MLXIP: variants seen among roughly 807,000 people sequenced by gnomAD.
The protein encoded by MLXIP is MLX interacting protein.
Under a neutral mutation model 87.2 loss-of-function variants are expected in MLXIP, and 30 were observed. That is an observed-to-expected ratio of 0.34 (90% CI 0.26 to 0.47). The LOEUF (loss-of-function observed/expected upper bound fraction) is 0.47. Among genes scored for constraint, MLXIP ranks in the 20% least tolerant of loss-of-function variants. MLXIP has a pLI of 1.00. For synonymous variants in MLXIP, 530 were observed against 514.0 expected, an observed-to-expected ratio of 1.03 and a Z score of -0.42; for missense variants, 1,002 against 1,240.1, an observed-to-expected ratio of 0.81 and a Z score of 2.88.
chr12:122,114,467 C>T (rs1952656074), intron 1 of MLXIP, among the ~76,000 whole-genome samples: 1 of 152,182 alleles, frequency 6.6e-6, no homozygotes. Flanking sequence ...GGACTTGATC[C>T]ATTCTACCCC....
chr12:122,123,660 C>G (rs1952820785), intron 1 of MLXIP, among the ~76,000 whole-genome samples: 1 of 152,182 alleles, frequency 6.6e-6, no homozygotes, highest in South Asian at 2.1e-4. Context: ...GCTTTGTCTG[C>G]TGTACCCCCT....
Position 122,102,315 on chromosome 12 carries a change from A to G in MLXIP, c.413+23049A>G, listed in dbSNP as rs1394189258. Among the ~76,000 whole-genome samples, 3 of 152,210 alleles carry G rather than the reference A, an allele frequency of 2.0e-5. No homozygotes were observed. The East Asian group carries it at 5.8e-4, about 29-fold the overall frequency. Reference sequence around the variant, plus strand: ...ACATTTTTCCAAAGAAGATACACAAATGGCCAATAAACATGTGAAAAGATG... The same window carrying G: ...ACATTTTTCCAAAGAAGATACACAAGTGGCCAATAAACATGTGAAAAGATG... On this transcript the variant is annotated intron_variant, in intron 1 of 16. Transcript: ENST00000319080.
chr12:122,138,983 G>A (rs775064144), intron 15 of MLXIP, 45 bp downstream of exon 15: 10 of 1,609,316 alleles, frequency 6.2e-6, no homozygotes, highest in Non-Finnish European at 8.5e-6. Flanking sequence ...CTCAGCCAAT[G>A]CACTGAAGCC....
intron 1 of MLXIP, among the ~76,000 whole-genome samples, chr12:122,107,674 G>A (rs762720080): frequency 1.3e-5 from 2 of 152,240 alleles, no homozygotes; most frequent in Non-Finnish European, 2.9e-5. Flanking sequence ...TGAAAGGCCA[G>A]GTGTCTGTCC....
At chr12:122,109,687 C>G (rs567100651) in intron 1 of MLXIP, among the ~76,000 whole-genome samples, 10 of 152,214 alleles carry the variant, frequency 6.6e-5, no homozygotes, top group African/African-American at 2.4e-4. Flanking sequence ...ACTCTTCTGC[C>G]CATCCCAAAC....
At chr12:122,119,969 C>T (rs1952753595) in intron 1 of MLXIP, among the ~76,000 whole-genome samples, 1 of 152,118 alleles carries the variant, frequency 6.6e-6, no homozygotes, top group Non-Finnish European at 1.5e-5. Flanking sequence ...AGAACTCTTC[C>T]CCACCAGAGC....
rs927536115 is a variant in MLXIP, at chr12:122,129,494, C to G, written c.697-94C>G. On this transcript the variant is annotated intron_variant, in intron 4 of 16. Transcript: ENST00000319080. ...GCCTGGGGATGGTGTGAGCAGGACCCCTACCTGCCTCCCTGAGAGTTCTGT... is the reference window on the plus strand; with the variant it reads ...GCCTGGGGATGGTGTGAGCAGGACCGCTACCTGCCTCCCTGAGAGTTCTGT... The G allele has an allele frequency of 4.2e-6, 6 of 1,437,156 alleles. No individual in the cohort carries two copies. The African/African-American group carries it at 4.2e-5, about 10-fold the overall frequency. The allele number at this position is 1,437,156 out of a possible 1,614,324, so 89.0% of individuals were successfully genotyped here. A position where few individuals can be genotyped will look rare whatever the true frequency, so the allele number is the denominator to read the frequency against.
intron 4 of MLXIP, 69 bp downstream of exon 4, chr12:122,129,295 T>G: frequency 7.2e-7 from 1 of 1,391,702 alleles, no homozygotes; most frequent in African/African-American, 1.4e-5. Context: ...TTCAGGGCCC[T>G]GGCCGAGGCG....
chr12:122,132,336 G>C lies in MLXIP; in HGVS notation c.1045G>C (p.Ala349Pro), dbSNP rs751606503. 1 of 1,613,290 alleles carries C rather than the reference G, an allele frequency of 6.2e-7. No homozygotes were observed. Among genetic ancestry groups the C allele is most frequent in the South Asian group, 1.1e-5 (1 of 90,874 alleles). ...SRSIFGSMLP[A>P]SASAPVPDPN... ...CTCCATTTTTGGCTCCATGCTACCTGCATCTGCCTCAGCACCTGTACCAGA... is the reference window on the plus strand; with the variant it reads ...CTCCATTTTTGGCTCCATGCTACCTCCATCTGCCTCAGCACCTGTACCAGA... Residue 349 changes from alanine to proline, a missense_variant, in exon 8 of 17, where the codon GCA becomes CCA. Transcript: ENST00000319080.
In MLXIP at chr12:122,137,820, T is replaced by C. The variant is rs1424807429; in HGVS notation, c.2154+230T>C. 1.3e-5 allele frequency among the ~76,000 whole-genome samples: 2 copies of C among 152,180 alleles called. No individual in the cohort carries two copies. Among genetic ancestry groups the C allele is most frequent in the South Asian group, 2.1e-4 (1 of 4,832 alleles). On this transcript the variant is annotated intron_variant, in intron 12 of 16. Transcript: ENST00000319080. The surrounding 1 kb of genome is among the most constrained non-coding windows in gnomAD (Gnocchi z 4.1). ...CCCAAGCCTGGGAGCCAACGCTGAG[T>C]CCACGTAGTGTGCAGGTACTGCTCA...
intron 1 of MLXIP, among the ~76,000 whole-genome samples, chr12:122,126,562 A>G (rs1408408566): frequency 6.6e-6 from 1 of 152,194 alleles, no homozygotes. Flanking sequence ...CACTCAGGCC[A>G]GTGGGATGCT....
At chr12:122,140,693 A>G (rs1295790724) in intron 15 of MLXIP, 5 of 556,026 alleles carry the variant, frequency 9.0e-6, no homozygotes, top group Non-Finnish European at 1.7e-5. Flanking sequence ...GTTCCAGACT[A>G]GAGACCTTCT....
chr12:122,097,368 C>G (rs1952369959), intron 1 of MLXIP, among the ~76,000 whole-genome samples: 1 of 152,184 alleles, frequency 6.6e-6, no homozygotes, highest in Non-Finnish European at 1.5e-5. Context: ...CGCCTGTAAT[C>G]ACAGCACTTT....
intron 1 of MLXIP, among the ~76,000 whole-genome samples, chr12:122,112,944 G>C (rs1186241375): frequency 6.7e-6 from 1 of 150,126 alleles, no homozygotes; most frequent in African/African-American, 2.5e-5. Flanking sequence ...GAAAAGCCTT[G>C]TTAAGTACGA....
At position 122,113,681 on chromosome 12, in the gene MLXIP, C is replaced by CTT. The variant is rs1173711241; in HGVS notation, c.414-13555_414-13554dup. 7.3e-4 allele frequency among the ~76,000 whole-genome samples: 73 copies of CTT among 100,668 alleles called. 1 individual carries two copies. Among genetic ancestry groups the CTT allele is most frequent in the African/African-American group, 1.0e-3 (26 of 24,790 alleles). 66.0% of individuals were successfully genotyped at this position (100,668 alleles called of 152,430 possible). On this transcript the variant is annotated intron_variant, in intron 1 of 16. Coordinates refer to ENST00000319080, the MANE Select transcript of MLXIP (RefSeq NM_014938.6). ...ACAGTCCATATAACTGCCTTCATTTCTTTTTTTTTTTTTTTTTTTTTGAGA... is the reference window on the plus strand; with the variant it reads ...ACAGTCCATATAACTGCCTTCATTTCTTTTTTTTTTTTTTTTTTTTTTTGAGA...
chr12:122,097,853 C>A (rs529521907), intron 1 of MLXIP, among the ~76,000 whole-genome samples: 1 of 151,938 alleles, frequency 6.6e-6, no homozygotes, highest in African/African-American at 2.4e-5. Context: ...GGTTCCCCCT[C>A]CCCACAAGAA....
intron 1 of MLXIP, among the ~76,000 whole-genome samples, chr12:122,111,001 C>T (rs1446865755): frequency 1.3e-5 from 2 of 149,200 alleles, no homozygotes; most frequent in African/African-American, 5.0e-5. Context: ...GGCGTGAACC[C>T]AGGAGGCGGA....
chr12:122,141,877 C>T lies in MLXIP; in HGVS notation c.*65C>T. 6 of 1,590,254 alleles carry T rather than the reference C, an allele frequency of 3.8e-6. No individual in the cohort carries two copies. The highest frequency in any genetic ancestry group is 5.1e-6 in the Non-Finnish European group (6 of 1,169,006). On this transcript the variant is annotated 3_prime_UTR_variant, in exon 17 of 17. Coordinates refer to ENST00000319080, the MANE Select transcript of MLXIP (RefSeq NM_014938.6). ...CCCTTCCCTGCCCATGGAGAGTAGGCTGCGCCCCCCAGCCCTTCCTGACGC... is the reference window on the plus strand; with the variant it reads ...CCCTTCCCTGCCCATGGAGAGTAGGTTGCGCCCCCCAGCCCTTCCTGACGC...
rs191733523 is a variant in MLXIP, at chr12:122,105,377, C to T, written c.414-21879C>T. On this transcript the variant is annotated intron_variant, in intron 1 of 16. Transcript: ENST00000319080. ...GGTTTTTTTTTTGGAGACGGAGTTT[C>T]GCTCTTGTTGCCCAGGCTGGAGTGC... Among the ~76,000 whole-genome samples the T allele has an allele frequency of 5.4e-3, 820 of 150,522 alleles. 3 individuals carry two copies. Among genetic ancestry groups the T allele is most frequent in the African/African-American group, 0.019 (774 of 40,900 alleles).
Sources: allele counts gnomAD v4.1 joint callset (sites outside exome capture counted in the v4.1 genomes callset), GRCh38; gene constraint gnomAD v4.1.1; non-coding constraint Gnocchi (gnomAD v3.1); transcripts MANE v1.5; gene names NCBI Gene and HGNC (gene_info 2026-07-23, HGNC 2026-07-21).